SMIM13: variants seen among roughly 807,000 people sequenced by gnomAD.
SMIM13 encodes the protein small integral membrane protein 13.
Under a neutral mutation model 5.9 loss-of-function variants are expected in SMIM13, and 3 were observed. The observed-to-expected ratio is 0.51, with a 90% CI of 0.23 to 1.31. The LOEUF is 1.31. Ranked by LOEUF, SMIM13 falls within the 40% of genes most tolerant of loss-of-function variation. The pLI is 0.18. For synonymous variants in SMIM13, 55 were observed against 46.0 expected, an observed-to-expected ratio of 1.19 and a Z score of -0.79; for missense variants, 85 against 109.9, an observed-to-expected ratio of 0.77 and a Z score of 1.01.
chr6:11,108,621 G>A (rs1347530155), intron 1 of SMIM13, among the ~76,000 whole-genome samples: 1 of 152,214 alleles, frequency 6.6e-6, no homozygotes, highest in Non-Finnish European at 1.5e-5. Context: ...TGGCAGGTTT[G>A]CAGGGCAGTC....
chr6:11,097,619 C>A (rs1369952730), intron 1 of SMIM13, among the ~76,000 whole-genome samples: 2 of 149,834 alleles, frequency 1.3e-5, no homozygotes, highest in Non-Finnish European at 3.0e-5. Context: ...AGTGAGCCGA[C>A]ATTGCACCAT....
intron 1 of SMIM13, among the ~76,000 whole-genome samples, chr6:11,115,214 T>C (rs1758221531): frequency 6.6e-6 from 1 of 152,220 alleles, no homozygotes; most frequent in Non-Finnish European, 1.5e-5. Flanking sequence ...TTTCTATTGC[T>C]GCATAACAAA....
intron 1 of SMIM13, among the ~76,000 whole-genome samples, chr6:11,099,547 G>T (rs1051569305): frequency 7.2e-5 from 11 of 152,292 alleles, no homozygotes; most frequent in African/African-American, 2.6e-4. Flanking sequence ...CAGGCATTTT[G>T]TTTTCTTCAC....
rs537353453 is a variant in SMIM13 at position 11,099,234 on chromosome 6, G to A, written c.76+4845G>A. 1.9e-3 allele frequency among the ~76,000 whole-genome samples: 289 copies of A among 152,110 alleles called. 3 individuals carry two copies. Among genetic ancestry groups the A allele is most frequent in the African/African-American group, 6.5e-3 (271 of 41,492 alleles). Reference sequence around the variant, plus strand: ...TCTGTCGCCAGGCTGGAGTACATTGGCGCGATCTCGGCTCACTGCAACCTC... The same window carrying A: ...TCTGTCGCCAGGCTGGAGTACATTGACGCGATCTCGGCTCACTGCAACCTC... On this transcript the variant is annotated intron_variant, in intron 1 of 1. Coordinates refer to ENST00000416247, the MANE Select transcript of SMIM13 (RefSeq NM_001135575.2).
intron 1 of SMIM13, among the ~76,000 whole-genome samples, chr6:11,128,652 C>T (rs1418040572): frequency 2.0e-5 from 3 of 152,032 alleles, no homozygotes; most frequent in East Asian, 1.9e-4. Context: ...TTATTGAGGT[C>T]CCCAGAGCAC....
Position 11,136,121 on chromosome 6 carries a change from G to T in SMIM13, c.*1519G>T, listed in dbSNP as rs1758515568. The T allele has an allele frequency of 6.6e-6, 1 of 152,112 alleles. No homozygotes were observed. Among genetic ancestry groups the T allele is most frequent in the Admixed American group, 6.5e-5 (1 of 15,272 alleles). The allele number at this position is 152,112 out of a possible 1,614,324, so 9.4% of individuals were successfully genotyped here. On this transcript the variant is annotated 3_prime_UTR_variant, in exon 2 of 2. Coordinates refer to ENST00000416247, the MANE Select transcript of SMIM13 (RefSeq NM_001135575.2). ...TGGGATTAGTTACTCCCTTTGTATAGGAGGACTTTATGCTCAAGGAATGTG... is the reference window on the plus strand; with the variant it reads ...TGGGATTAGTTACTCCCTTTGTATATGAGGACTTTATGCTCAAGGAATGTG...
At chr6:11,105,966 A>G (rs1479894372) in intron 1 of SMIM13, among the ~76,000 whole-genome samples, 1 of 152,190 alleles carries the variant, frequency 6.6e-6, no homozygotes, top group African/African-American at 2.4e-5. Flanking sequence ...GCTAAAGCTA[A>G]GAGGTACACC....
chr6:11,097,614 G>A (rs1757942087), intron 1 of SMIM13, among the ~76,000 whole-genome samples: 1 of 151,064 alleles, frequency 6.6e-6, no homozygotes, highest in Non-Finnish European at 1.5e-5. Flanking sequence ...GTTGCAGTGA[G>A]CCGACATTGC....
intron 1 of SMIM13, among the ~76,000 whole-genome samples, chr6:11,129,039 T>C (rs1445829707): frequency 6.6e-6 from 1 of 150,610 alleles, no homozygotes; most frequent in Non-Finnish European, 1.5e-5. Flanking sequence ...GGTGCTTTTT[T>C]GTGTGGATAG....
chr6:11,111,631 G>T (rs2113651351), intron 1 of SMIM13: 1 of 152,378 alleles, frequency 6.6e-6, no homozygotes, highest in African/African-American at 2.4e-5. Flanking sequence ...ACGTACGAGG[G>T]TTGAACGCCT....
chr6:11,102,023 C>G (rs936605294), intron 1 of SMIM13, among the ~76,000 whole-genome samples: 3 of 152,146 alleles, frequency 2.0e-5, no homozygotes, highest in Non-Finnish European at 4.4e-5. Context: ...CAGGTGTGAG[C>G]CACCACGCCT....
chr6:11,128,875 C>T (rs190596857), intron 1 of SMIM13, among the ~76,000 whole-genome samples: 4 of 152,226 alleles, frequency 2.6e-5, no homozygotes, highest in African/African-American at 9.6e-5. Context: ...CATACAGATT[C>T]TCTTTCCATG....
chr6:11,116,461 ATGTT>A (rs1403279855), intron 1 of SMIM13, among the ~76,000 whole-genome samples: 1 of 152,176 alleles, frequency 6.6e-6, no homozygotes, highest in Non-Finnish European at 1.5e-5. Context: ...TTCTTTGTAA[ATGTT>A]TGGTAGAATT....
rs187001489 is a variant in SMIM13 at position 11,096,807 on chromosome 6, C to A, written c.76+2418C>A. ...CTCTGCCACCCGGGTTCAAGCAATT[C>A]TTCTGCCTCAGCCTCCTGAGTAGCT... On this transcript the variant is annotated intron_variant, in intron 1 of 1. Transcript: ENST00000416247. Among the ~76,000 whole-genome samples, 79 of 152,158 alleles carry A rather than the reference C, an allele frequency of 5.2e-4. No homozygotes were observed. The Middle Eastern group carries it at 0.024, about 46-fold the overall frequency.
chr6:11,129,675 GT>G (rs1758426520), intron 1 of SMIM13, among the ~76,000 whole-genome samples: 1 of 151,860 alleles, frequency 6.6e-6, no homozygotes, highest in African/African-American at 2.4e-5. Flanking sequence ...ATTGTGTTCC[GT>G]TTGTCTATGT....
chr6:11,099,641 G>A lies in SMIM13; in HGVS notation c.76+5252G>A, dbSNP rs200274823. 2.0e-4 allele frequency among the ~76,000 whole-genome samples: 30 copies of A among 152,322 alleles called. 1 individual carries two copies. In the East Asian group the frequency reaches 5.6e-3, roughly 28 times the overall value. Reference sequence around the variant, plus strand: ...TTGTTCAACAAATGAATAGATGAATGCTGCAGAATACCCAAGCTCCTACAA... The same window carrying A: ...TTGTTCAACAAATGAATAGATGAATACTGCAGAATACCCAAGCTCCTACAA... On this transcript the variant is annotated intron_variant, in intron 1 of 1. Transcript: ENST00000416247.
chr6:11,096,701 T>C (rs992959210), intron 1 of SMIM13, among the ~76,000 whole-genome samples: 1 of 151,982 alleles, frequency 6.6e-6, no homozygotes, highest in Non-Finnish European at 1.5e-5. Flanking sequence ...CTTTTTTTTT[T>C]CTTTTTTCTT....
At chr6:11,118,931 C>T (rs1313101873) in intron 1 of SMIM13, among the ~76,000 whole-genome samples, 4 of 152,084 alleles carry the variant, frequency 2.6e-5, no homozygotes, top group Non-Finnish European at 4.4e-5. Context: ...TTGCCGAAGT[C>T]GGAAATAAGT....
chr6:11,106,120 A>G (rs1758079419), intron 1 of SMIM13, among the ~76,000 whole-genome samples: 1 of 152,212 alleles, frequency 6.6e-6, no homozygotes, highest in Non-Finnish European at 1.5e-5. Context: ...TAATTGGGAA[A>G]TGAAGGATGG....
Sources: gnomAD v4.1 joint callset for allele counts (sites outside exome capture counted in the v4.1 genomes callset) on GRCh38, gnomAD v4.1.1 for gene constraint, MANE v1.5 for transcripts, NCBI Gene and HGNC (gene_info 2026-07-23, HGNC 2026-07-21) for gene names.